The following MLLT3 variants were observed in gnomAD, a reference collection of about 807,000 sequenced individuals.
MLLT3 encodes protein AF-9.
In MLLT3, 4 loss-of-function variants were observed where a neutral mutation model predicts 53.2. That is an observed-to-expected ratio of 0.08 (90% CI 0.04 to 0.17). The LOEUF (loss-of-function observed/expected upper bound fraction) is 0.17. Ranked by LOEUF, MLLT3 falls within the 10% of genes least tolerant of loss-of-function variation. The probability of loss-of-function intolerance (pLI) is 1.00; values close to 1 mark genes in which losing one functional copy is unlikely to be tolerated. For missense variants in MLLT3, 569 were observed against 684.0 expected (o/e 0.83, Z 1.87); for synonymous variants, 283 against 230.6 (o/e 1.23, Z -2.06).
At chr9:20,580,874 T>G (rs1278097936) in intron 2 of MLLT3, among the ~76,000 whole-genome samples, 1 of 152,200 alleles carries the variant, frequency 6.6e-6, no homozygotes, top group African/African-American at 2.4e-5. Context: ...TACAACAATT[T>G]ACACAGGGCT....
intron 2 of MLLT3, among the ~76,000 whole-genome samples, chr9:20,560,137 C>T (rs1819164303): frequency 6.6e-6 from 1 of 152,082 alleles, no homozygotes; most frequent in African/African-American, 2.4e-5. Flanking sequence ...TTACTGTCTG[C>T]TTATTCCTGC....
At chr9:20,601,478 C>T (rs1360594103) in intron 2 of MLLT3, among the ~76,000 whole-genome samples, 1 of 152,178 alleles carries the variant, frequency 6.6e-6, no homozygotes, top group African/African-American at 2.4e-5. Context: ...AGCTAAATAA[C>T]AACAGCAATA....
At chr9:20,450,853 G>A (rs187734659) in intron 3 of MLLT3, among the ~76,000 whole-genome samples, 3 of 152,248 alleles carry the variant, frequency 2.0e-5, no homozygotes, top group East Asian at 1.9e-4. Flanking sequence ...TTAAAAGGAG[G>A]GCAGTTTTCT....
chr9:20,491,637 C>T (rs1824950877), intron 2 of MLLT3, among the ~76,000 whole-genome samples: 1 of 152,070 alleles, frequency 6.6e-6, no homozygotes, highest in African/African-American at 2.4e-5. Flanking sequence ...TTAAGAGAGA[C>T]TCAGTCAAAA....
At chr9:20,423,796 A>T (rs1013354393) in intron 4 of MLLT3, among the ~76,000 whole-genome samples, 34 of 145,324 alleles carry the variant, frequency 2.3e-4, no homozygotes, top group Admixed American at 1.5e-3. Flanking sequence ...AAATAAAATT[A>T]AAAAAAAAAA....
At chr9:20,454,266 C>T (rs111834295) in intron 3 of MLLT3, among the ~76,000 whole-genome samples, 4 of 151,710 alleles carry the variant, frequency 2.6e-5, no homozygotes, top group African/African-American at 9.7e-5. Flanking sequence ...CACACGCATG[C>T]GTGTGTGTGC....
intron 2 of MLLT3, among the ~76,000 whole-genome samples, chr9:20,588,741 G>A (rs923053508): frequency 6.6e-6 from 1 of 152,026 alleles, no homozygotes; most frequent in East Asian, 1.9e-4. Context: ...GGAGATTTTG[G>A]GCTGAGACAA....
intron 5 of MLLT3, among the ~76,000 whole-genome samples, chr9:20,387,068 T>C (rs1356288237): frequency 6.6e-6 from 1 of 152,228 alleles, no homozygotes; most frequent in Non-Finnish European, 1.5e-5. Context: ...AGAAAATACG[T>C]CTTTCTTACT....
At chr9:20,513,788 A>C (rs1226095316) in intron 2 of MLLT3, among the ~76,000 whole-genome samples, 2 of 152,194 alleles carry the variant, frequency 1.3e-5, no homozygotes, top group Non-Finnish European at 2.9e-5. Flanking sequence ...AGGATGACTG[A>C]GCCCTGCTTC....
rs1446516301 is a variant in MLLT3, at chr9:20,537,855, T to A, written c.194-81069A>T. On this transcript the variant is annotated intron_variant, in intron 2 of 10. Transcript: ENST00000380338. ...CACTCCAACATCAAAGTATCATAGT[T>A]TATGCTGTCCAAATACATTAATCTT... 4.6e-5 allele frequency among the ~76,000 whole-genome samples: 7 copies of A among 152,332 alleles called. No homozygotes were observed. In the East Asian group the frequency reaches 1.3e-3, roughly 29 times the overall value.
At chr9:20,465,310 T>C (rs1227736006) in intron 2 of MLLT3, among the ~76,000 whole-genome samples, 2 of 152,174 alleles carry the variant, frequency 1.3e-5, no homozygotes, top group Admixed American at 1.3e-4. Context: ...TATATTCACC[T>C]TAAAAGGATA....
chr9:20,481,595 G>A (rs1254572841), intron 2 of MLLT3, among the ~76,000 whole-genome samples: 1 of 152,116 alleles, frequency 6.6e-6, no homozygotes, highest in Non-Finnish European at 1.5e-5. Context: ...CCTACTGGGA[G>A]TTAGGAATCA....
At chr9:20,432,529 C>G (rs537133916) in intron 4 of MLLT3, among the ~76,000 whole-genome samples, 16 of 152,198 alleles carry the variant, frequency 1.1e-4, no homozygotes, top group African/African-American at 3.1e-4. Flanking sequence ...TGATACGTAA[C>G]TTCAGCAATA....
chr9:20,474,491 C>T (rs923578717), intron 2 of MLLT3, among the ~76,000 whole-genome samples: 5 of 152,040 alleles, frequency 3.3e-5, no homozygotes, highest in Non-Finnish European at 7.4e-5. Context: ...CATTCTGTTC[C>T]TATACACGAG....
intron 2 of MLLT3, among the ~76,000 whole-genome samples, chr9:20,559,425 G>A (rs1411544980): frequency 1.3e-5 from 2 of 152,174 alleles, no homozygotes; most frequent in Non-Finnish European, 2.9e-5. Context: ...AAAGCAGAGG[G>A]GTGGGGGCAT....
At chr9:20,592,910 T>C (rs1266256833) in intron 2 of MLLT3, among the ~76,000 whole-genome samples, 1 of 152,180 alleles carries the variant, frequency 6.6e-6, no homozygotes, top group Non-Finnish European at 1.5e-5. Flanking sequence ...ACAAGTTCCT[T>C]TCTCATCCAT....
chr9:20,425,809 G>A (rs1823126335), intron 4 of MLLT3, among the ~76,000 whole-genome samples: 1 of 151,858 alleles, frequency 6.6e-6, no homozygotes, highest in Admixed American at 6.6e-5. Flanking sequence ...GAAGAGAAAA[G>A]AATAAGTAGT....
chr9:20,435,098 A>G (rs979178658), intron 4 of MLLT3, among the ~76,000 whole-genome samples: 3 of 152,152 alleles, frequency 2.0e-5, no homozygotes, highest in Non-Finnish European at 4.4e-5. Flanking sequence ...GTCCAATAAA[A>G]AAGCTTCTGG....
intron 5 of MLLT3, among the ~76,000 whole-genome samples, chr9:20,374,700 A>G (rs1479102441): frequency 6.6e-6 from 1 of 152,246 alleles, no homozygotes; most frequent in Admixed American, 6.5e-5. Context: ...ATAAAAAGAT[A>G]TATAAAAATG....
Sources: allele counts gnomAD v4.1 joint callset (sites outside exome capture counted in the v4.1 genomes callset), GRCh38; gene constraint gnomAD v4.1.1; transcripts MANE v1.5; gene names NCBI Gene and HGNC (gene_info 2026-07-23, HGNC 2026-07-21).